ANKRD55: variants seen among roughly 807,000 people sequenced by gnomAD.
ANKRD55 encodes ankyrin repeat domain 55.
Under a neutral mutation model 60.6 loss-of-function variants are expected in ANKRD55, and 41 were observed. That is an observed-to-expected ratio of 0.68 (90% CI 0.53 to 0.88). The LOEUF is 0.88. ANKRD55 is among the 40% of genes least tolerant of loss of function. The pLI, the probability that ANKRD55 is intolerant of heterozygous loss-of-function variation, is 0.00. For synonymous variants in ANKRD55, 264 were observed against 290.3 expected (o/e 0.91, Z 0.92); for missense variants, 732 against 767.6 (o/e 0.95, Z 0.55).
At chr5:56,203,700 G>A (rs961946949) in intron 2 of ANKRD55, among the ~76,000 whole-genome samples, 16 of 152,148 alleles carry the variant, frequency 1.1e-4, no homozygotes, top group Non-Finnish European at 1.5e-4. Context: ...ATTCCATGGT[G>A]TATATGTGCC....
chr5:56,134,248 A>T (rs1757495990), intron 7 of ANKRD55, among the ~76,000 whole-genome samples: 1 of 115,998 alleles, frequency 8.6e-6, no homozygotes, highest in South Asian at 2.7e-4. Context: ...ACCCACAAGG[A>T]GAAATAGATA....
chr5:56,170,869 T>C, intron 4 of ANKRD55, 66 bp from the exon 5 acceptor site: 1 of 1,438,754 alleles, frequency 7.0e-7, no homozygotes, highest in South Asian at 1.2e-5. Context: ...CAACAAACTT[T>C]CTCTAGATTT....
At chr5:56,192,778 A>C in intron 2 of ANKRD55, 2 of 1,027,078 alleles carry the variant, frequency 1.9e-6, no homozygotes, top group Admixed American at 4.3e-5. Context: ...ATGAGAACAC[A>C]GACATCGCTG....
intron 4 of ANKRD55, among the ~76,000 whole-genome samples, chr5:56,174,256 C>T (rs1373250478): frequency 6.6e-6 from 1 of 152,168 alleles, no homozygotes. Flanking sequence ...GTACTTCTTC[C>T]CAGTCCCTTG....
At chr5:56,168,575 C>T (rs1035087817) in intron 5 of ANKRD55, among the ~76,000 whole-genome samples, 10 of 152,228 alleles carry the variant, frequency 6.6e-5, no homozygotes, top group African/African-American at 1.4e-4. Context: ...CTAATTTGTA[C>T]GCTAAATTTT....
chr5:56,214,099 T>G (rs1759744816), intron 2 of ANKRD55, among the ~76,000 whole-genome samples: 1 of 152,228 alleles, frequency 6.6e-6, no homozygotes, highest in African/African-American at 2.4e-5. Context: ...CTTGTGAGTC[T>G]TATTCACTAC....
At position 56,219,723 on chromosome 5, in the gene ANKRD55, C is replaced by A. The variant is rs542822412; in HGVS notation, c.58+13133G>T. 5.9e-5 allele frequency among the ~76,000 whole-genome samples: 9 copies of A among 152,328 alleles called. No homozygotes were observed. The South Asian group carries it at 1.9e-3, about 32-fold the overall frequency. On this transcript the variant is annotated intron_variant, in intron 2 of 11. Transcript: ENST00000341048. ...TGGTCTTAGCCCCACCCATATGCCA[C>A]CTTTTGCACGAACCTTTGACCTCAG... is the stretch of plus-strand genomic sequence containing the variant.
At chr5:56,226,922 C>A (rs1470763207) in intron 2 of ANKRD55, among the ~76,000 whole-genome samples, 1 of 152,194 alleles carries the variant, frequency 6.6e-6, no homozygotes, top group African/African-American at 2.4e-5. Context: ...TTGTGGAAGA[C>A]AGTGTGGTGA....
intron 2 of ANKRD55, among the ~76,000 whole-genome samples, chr5:56,192,275 G>A (rs1383739117): frequency 6.6e-6 from 1 of 152,190 alleles, no homozygotes; most frequent in East Asian, 1.9e-4. Context: ...ATACACACAG[G>A]GTGAGAGACT....
intron 6 of ANKRD55, among the ~76,000 whole-genome samples, chr5:56,147,385 G>A (rs190932881): frequency 6.6e-6 from 1 of 152,306 alleles, no homozygotes; most frequent in East Asian, 1.9e-4. Flanking sequence ...ATTGTAGCTG[G>A]ATTCAAGGTT....
chr5:56,230,494 A>C (rs1760226906), intron 2 of ANKRD55, among the ~76,000 whole-genome samples: 1 of 152,226 alleles, frequency 6.6e-6, no homozygotes, highest in Admixed American at 6.5e-5. Flanking sequence ...ATGTAAAGAC[A>C]GTACTGCTAG....
At chr5:56,106,027 C>A (rs1027184194) in intron 10 of ANKRD55, among the ~76,000 whole-genome samples, 6 of 152,184 alleles carry the variant, frequency 3.9e-5, no homozygotes, top group Admixed American at 3.3e-4. Flanking sequence ...AGTGCTTCAT[C>A]CCCCATCTTG....
At chr5:56,192,909 T>G (rs1242524799) in intron 2 of ANKRD55, 13 of 636,940 alleles carry the variant, frequency 2.0e-5, no homozygotes, top group Non-Finnish European at 2.2e-5. Flanking sequence ...GTATTTTTTA[T>G]GAGTTCAGAA....
rs544144180 is a variant in ANKRD55, at chr5:56,226,327, T to C, written c.58+6529A>G. On this transcript the variant is annotated intron_variant, in intron 2 of 11. Coordinates refer to ENST00000341048, the MANE Select transcript of ANKRD55 (RefSeq NM_024669.3). ...CCTTCCTTACACCTTATACAAAAAT[T>C]AATTCAAGATGGATTAAATACTTAA... Among the ~76,000 whole-genome samples, 332 of 152,222 alleles carry C rather than the reference T, an allele frequency of 2.2e-3. 2 individuals are homozygous for C. Among genetic ancestry groups the C allele is most frequent in the Non-Finnish European group, 3.5e-3 (238 of 68,012 alleles).
intron 5 of ANKRD55, among the ~76,000 whole-genome samples, chr5:56,166,403 G>A (rs1368424443): frequency 6.6e-6 from 1 of 151,528 alleles, no homozygotes; most frequent in Non-Finnish European, 1.5e-5. Flanking sequence ...GACTACAGGA[G>A]CACACCACTA....
At chr5:56,104,345 AGAC>A (rs1200741046) in intron 10 of ANKRD55, among the ~76,000 whole-genome samples, 1 of 152,202 alleles carries the variant, frequency 6.6e-6, no homozygotes, top group Non-Finnish European at 1.5e-5. Flanking sequence ...GACACAGCCT[AGAC>A]TTCAACCCTA....
At chr5:56,123,911 T>G (rs565696006) in intron 8 of ANKRD55, among the ~76,000 whole-genome samples, 8 of 152,258 alleles carry the variant, frequency 5.3e-5, no homozygotes, top group Non-Finnish European at 1.0e-4. Context: ...CCAATCTGCC[T>G]CAGCTGTCAC....
At chr5:56,101,215 T>C (rs1171405136) in intron 11 of ANKRD55, among the ~76,000 whole-genome samples, 1 of 152,228 alleles carries the variant, frequency 6.6e-6, no homozygotes, top group Admixed American at 6.5e-5. Context: ...ATATACTCTA[T>C]GCAAACAGTG....
At chr5:56,213,729 C>T (rs1015568044) in intron 2 of ANKRD55, among the ~76,000 whole-genome samples, 4 of 152,100 alleles carry the variant, frequency 2.6e-5, no homozygotes, top group South Asian at 2.1e-4. Flanking sequence ...CAGAAGGCGT[C>T]GTAGTCTCGG....
Sources: allele counts gnomAD v4.1 joint callset (sites outside exome capture counted in the v4.1 genomes callset), GRCh38; gene constraint gnomAD v4.1.1; transcripts MANE v1.5; gene names NCBI Gene and HGNC (gene_info 2026-07-23, HGNC 2026-07-21).